The following NUP98 variants were observed in gnomAD, a reference collection of about 807,000 sequenced individuals.
NUP98 encodes the protein nuclear pore complex protein Nup98-Nup96.
NUP98 carries 26 observed loss-of-function variants against 191.9 expected under a neutral mutation model. That is an observed-to-expected ratio of 0.14 (90% CI 0.10 to 0.19). NUP98 has a LOEUF of 0.19. NUP98 is among the 10% of genes least tolerant of loss of function. NUP98 has a pLI of 1.00. For missense variants in NUP98, 1,941 were observed against 2,178.8 expected (o/e 0.89, Z 2.17); for synonymous variants, 808 against 778.4 (o/e 1.04, Z -0.63).
At chr11:3,749,389 C>G (rs985165786) in intron 11 of NUP98, among the ~76,000 whole-genome samples, 3 of 152,152 alleles carry the variant, frequency 2.0e-5, no homozygotes, top group African/African-American at 7.2e-5. Flanking sequence ...CTTTGGGAGG[C>G]CGAGGCTGGT....
At chr11:3,683,813 C>T (rs2078053595) in intron 29 of NUP98, among the ~76,000 whole-genome samples, 1 of 152,066 alleles carries the variant, frequency 6.6e-6, no homozygotes, top group Non-Finnish European at 1.5e-5. Context: ...GCCAGGATTA[C>T]AGGCGTGAGC....
chr11:3,704,915 AG>A (rs2134129099), intron 22 of NUP98, among the ~76,000 whole-genome samples: 1 of 152,338 alleles, frequency 6.6e-6, no homozygotes, highest in Admixed American at 6.5e-5. Flanking sequence ...AGGCTGAGAC[AG>A]GAGGACTGCT....
At chr11:3,792,604 C>CT (rs1337566580) in intron 1 of NUP98, among the ~76,000 whole-genome samples, 1 of 152,080 alleles carries the variant, frequency 6.6e-6, no homozygotes, top group African/African-American at 2.4e-5. Flanking sequence ...AAGCAAGACT[C>CT]TGTCTCAAAA....
At chr11:3,692,085 T>C (rs1323991377) in intron 27 of NUP98, among the ~76,000 whole-genome samples, 2 of 152,118 alleles carry the variant, frequency 1.3e-5, no homozygotes, top group Admixed American at 1.3e-4. Flanking sequence ...TGTTCATGCA[T>C]GCGTGTGAGA....
At chr11:3,695,629 T>C (rs2078478034) in intron 25 of NUP98, 23 bp from the exon 26 acceptor site, 4 of 1,522,584 alleles carry the variant, frequency 2.6e-6, no homozygotes, top group Non-Finnish European at 3.5e-6. Context: ...TGGAAGTTTT[T>C]TGGTTATTAC....
At chr11:3,778,014 T>A (rs546156246) in intron 4 of NUP98, among the ~76,000 whole-genome samples, 1 of 151,654 alleles carries the variant, frequency 6.6e-6, no homozygotes, top group African/African-American at 2.4e-5. Context: ...CTGGCTAACA[T>A]GGTGAAACCC....
At chr11:3,726,299 G>A (rs2079614456) in intron 14 of NUP98, among the ~76,000 whole-genome samples, 1 of 151,546 alleles carries the variant, frequency 6.6e-6, no homozygotes, top group Admixed American at 6.6e-5. Context: ...AAGGGGAGAG[G>A]AGAAAGGAAC....
At chr11:3,711,528 T>C in intron 20 of NUP98, 1 of 153,146 alleles carries the variant, frequency 6.5e-6, no homozygotes, top group Non-Finnish European at 1.5e-5. Flanking sequence ...TTACTTTTGT[T>C]ACAGAAAATA....
intron 8 of NUP98, among the ~76,000 whole-genome samples, chr11:3,766,921 T>C (rs988867566): frequency 3.9e-4 from 59 of 152,310 alleles, no homozygotes; most frequent in African/African-American, 1.3e-3. Context: ...TGAACCAACC[T>C]TCCTCGGATA....
In NUP98 at chr11:3,714,345, G is replaced by A. The variant is rs940858722; in HGVS notation, c.2400-350C>T. 3.3e-5 allele frequency among the ~76,000 whole-genome samples: 5 copies of A among 152,054 alleles called. No homozygotes were observed. The East Asian group carries it at 7.7e-4, about 23-fold the overall frequency. On this transcript the variant is annotated intron_variant, in intron 18 of 32. Transcript: ENST00000324932. ...CTTATGCAGGTCTTAAAGGGCTACC[G>A]TACTAAATAATAATAAAAAACAGCT...
intron 12 of NUP98, among the ~76,000 whole-genome samples, chr11:3,741,834 G>T (rs2080296372): frequency 1.3e-5 from 2 of 152,186 alleles, no homozygotes; most frequent in Non-Finnish European, 2.9e-5. Context: ...AATGGTTACT[G>T]CAAGAAGGAA....
Position 3,751,537 on chromosome 11 carries a change from T to C in NUP98, c.1267+1779A>G, listed in dbSNP as rs145947623. ...TGGACTTTTCATGAAATTTCTGAAT[T>C]GTTAAAAACTTTTTACCAGCACTTA... is the stretch of plus-strand genomic sequence containing the variant. On this transcript the variant is annotated intron_variant, in intron 11 of 32. Coordinates refer to ENST00000324932, the MANE Select transcript of NUP98 (RefSeq NM_016320.5). Among the ~76,000 whole-genome samples, 324 of 152,316 alleles carry C rather than the reference T, an allele frequency of 2.1e-3. 1 individual carries two copies. The highest frequency in any genetic ancestry group is 6.7e-3 in the Admixed American group (103 of 15,288).
chr11:3,752,439 C>T (rs1205991339), intron 11 of NUP98, among the ~76,000 whole-genome samples: 2 of 151,972 alleles, frequency 1.3e-5, no homozygotes, highest in African/African-American at 4.8e-5. Context: ...ATTGCTTCAA[C>T]CTGGGAGGCA....
rs770873686 is a variant in NUP98 at position 3,712,684 on chromosome 11, C to T, written c.2622G>A (p.Glu874=). The part of the protein sequence containing the change: ...SKYGLQDSDE[E]EEEHPSKTST... ...TAGTTTTAGACGGATGCTCCTCCTC[C>T]TCTTCATCAGAATCCTGAAGGCCAT... The change falls in exon 20 of 33, where the codon GAG becomes GAA. Residue 874 remains glutamate, a synonymous_variant. Coordinates refer to ENST00000324932, the MANE Select transcript of NUP98 (RefSeq NM_016320.5). 5.6e-6 allele frequency: 9 copies of T among 1,613,304 alleles called. No individual in the cohort carries two copies. The Admixed American group carries it at 1.5e-4, about 27-fold the overall frequency.
At chr11:3,740,726 T>C (rs920570606) in intron 12 of NUP98, among the ~76,000 whole-genome samples, 1 of 151,938 alleles carries the variant, frequency 6.6e-6, no homozygotes, top group African/African-American at 2.4e-5. Flanking sequence ...AGCCGGTTTC[T>C]AGATTACTTA....
chr11:3,768,437 AC>A, intron 8 of NUP98, 143 bp downstream of exon 8: 10 of 755,434 alleles, frequency 1.3e-5, no homozygotes, highest in Non-Finnish European at 1.9e-5. Context: ...AAAAAAAAAA[AC>A]TTTGTTCTCT....
At chr11:3,683,503 C>T in intron 29 of NUP98, 62 bp from the exon 30 acceptor site, 2 of 1,588,216 alleles carry the variant, frequency 1.3e-6, no homozygotes, top group Non-Finnish European at 1.7e-6. Context: ...CTGCCCCAGG[C>T]AGCTTAGAGT....
At chr11:3,773,506 T>C (rs897009274) in intron 6 of NUP98, 126 bp downstream of exon 6, 1 of 506,282 alleles carries the variant, frequency 2.0e-6, no homozygotes, top group East Asian at 3.2e-5. Context: ...ATTTGGTTAA[T>C]GTTAATTTTT....
chr11:3,739,366 G>C (rs1335762909), intron 12 of NUP98, among the ~76,000 whole-genome samples: 1 of 151,928 alleles, frequency 6.6e-6, no homozygotes, highest in East Asian at 1.9e-4. Context: ...CTCCTGCCTC[G>C]GCCTTGCGAG....
Sources: gnomAD v4.1 joint callset for allele counts (sites outside exome capture counted in the v4.1 genomes callset) on GRCh38, gnomAD v4.1.1 for gene constraint, MANE v1.5 for transcripts, NCBI Gene and HGNC (gene_info 2026-07-23, HGNC 2026-07-21) for gene names.